RNF213: variants seen among roughly 807,000 people sequenced by gnomAD.
RNF213 encodes ring finger protein 213, also known as E3 ubiquitin-protein ligase RNF213.
Under a neutral mutation model 514.4 loss-of-function variants are expected in RNF213, and 341 were observed. The observed-to-expected ratio is 0.66, with a 90% confidence interval of 0.61 to 0.73. The LOEUF is 0.73. RNF213 is among the 30% of genes least tolerant of loss of function. The pLI is 0.00. For synonymous variants in RNF213, 2,655 were observed against 2,658.2 expected (o/e 1.00, Z 0.04); for missense variants, 5,767 against 6,615.6 (o/e 0.87, Z 4.45).
intron 18 of RNF213, among the ~76,000 whole-genome samples, chr17:80,327,590 T>C (rs2046313378): frequency 1.3e-5 from 2 of 152,192 alleles, no homozygotes; most frequent in African/African-American, 4.8e-5. Context: ...AGTCATCTTC[T>C]TGGACAAGGA....
chr17:80,332,680 C>T (rs1379290847), intron 21 of RNF213, 49 bp downstream of exon 21: 10 of 1,448,340 alleles, frequency 6.9e-6, no homozygotes, highest in Non-Finnish European at 7.2e-6. Flanking sequence ...CGTCCTGCCT[C>T]AGCCTCTTCA....
intron 10 of RNF213, 81 bp from the exon 11 acceptor site, chr17:80,298,232 GGTGCTTGC>G: frequency 7.4e-7 from 1 of 1,348,624 alleles, no homozygotes; most frequent in South Asian, 1.2e-5. Context: ...CTGTGTGCAC[GGTGCTTGC>G]TTCCTGTTGG....
rs756759340 is a variant in RNF213, at chr17:80,309,045, C to G, written c.2529C>G (p.Ser843=). 2 of 1,614,036 alleles carry G rather than the reference C, an allele frequency of 1.2e-6. No individual in the cohort carries two copies. The highest frequency in any genetic ancestry group is 1.7e-6 in the Non-Finnish European group (2 of 1,180,048). ...DKIPEEALSP[S]YLTVCLKLHE... is the part of the protein sequence containing the mutation. ...TTCCCGAGGAGGCCTTGTCACCATC[C>G]TACCTGACTGTGTGTCTGAAACTGC... Residue 843 remains serine, a synonymous_variant, in exon 14 of 68, where the codon TCC becomes TCG. Transcript: ENST00000582970.
intron 18 of RNF213, among the ~76,000 whole-genome samples, chr17:80,326,278 C>T (rs145055003): frequency 7.4e-4 from 113 of 152,330 alleles, no homozygotes; most frequent in Non-Finnish European, 1.3e-3. Context: ...GCGTGCACCA[C>T]CATACCCAGC....
Position 80,339,291 on chromosome 17 carries a change from T to A in RNF213, c.4924T>A (p.Tyr1642Asn). 6.5e-7 allele frequency: 1 copy of A among 1,536,484 alleles called. No individual in the cohort carries two copies. Among genetic ancestry groups the A allele is most frequent in the Non-Finnish European group, 8.7e-7 (1 of 1,146,250 alleles). ...GTTCAGGACGTGGATCGCCATGGCC[T>A]ACTGCTCCCCCAAGCAGGGTGTGTC... Reference protein sequence around the residue: ...MLFRTWIAMAYCSPKQGVSLQ... With the variant: ...MLFRTWIAMANCSPKQGVSLQ... The change falls in exon 26 of 68, where the codon TAC becomes AAC. Residue 1642 changes from tyrosine to asparagine, a missense_variant. This residue lies in a region of RNF213 where 1,377 missense variants were observed against 1,635.2 expected (regional missense o/e 0.84). Coordinates refer to ENST00000582970, the MANE Select transcript of RNF213 (RefSeq NM_001256071.3).
intron 8 of RNF213, among the ~76,000 whole-genome samples, chr17:80,292,833 G>C (rs1214612391): frequency 6.6e-6 from 1 of 152,106 alleles, no homozygotes; most frequent in African/African-American, 2.4e-5. Flanking sequence ...ACTCAAGGAA[G>C]TGAGCTGGGG....
At chr17:80,349,968 C>T (rs898480404) in intron 30 of RNF213, 62 bp downstream of exon 30, 6 of 1,598,348 alleles carry the variant, frequency 3.8e-6, no homozygotes, top group East Asian at 4.5e-5. Flanking sequence ...GTGGCTTCTG[C>T]GTGGCGATGG....
At chr17:80,283,012 A>G (rs544368711) in intron 3 of RNF213, among the ~76,000 whole-genome samples, 177 of 152,226 alleles carry the variant, frequency 1.2e-3, no homozygotes, top group Middle Eastern at 6.8e-3. Flanking sequence ...TCAATATTTT[A>G]ATGTAAAACA....
chr17:80,281,368 AAC>A (rs781083040), intron 3 of RNF213, among the ~76,000 whole-genome samples: 14 of 78,002 alleles, frequency 1.8e-4, no homozygotes, highest in East Asian at 4.1e-4. Context: ...CACACACCTC[AAC>A]ACACACACAC....
At chr17:80,386,987 C>T (rs1335962617) in intron 63 of RNF213, 96 bp downstream of exon 63, 23 of 1,201,152 alleles carry the variant, frequency 1.9e-5, no homozygotes, top group African/African-American at 3.0e-5. Context: ...CAGCACCTCA[C>T]CCTGCAGTCT....
Position 80,380,950 on chromosome 17 carries a change from A to T in RNF213, c.13760A>T (p.His4587Leu). ...TTCCTCCTTATCCGGCTACTCACTC[A>T]CTTGGCTCTGCTTCTGGGAGCGTCC... Reference protein sequence around the residue: ...VVFLLIRLLTHLALLLGASQS... With the variant: ...VVFLLIRLLTLLALLLGASQS... The change falls in exon 56 of 68, where the codon CAC becomes CTC. Residue 4587 changes from histidine to leucine, a missense_variant. Around this residue, in one of 13 missense-constraint regions of RNF213, gnomAD observed 1,245 missense variants for 1,339.0 expected, o/e 0.93. Coordinates refer to ENST00000582970, the MANE Select transcript of RNF213 (RefSeq NM_001256071.3). The T allele has an allele frequency of 6.2e-7, 1 of 1,614,158 alleles. No individual in the cohort carries two copies. The highest frequency in any genetic ancestry group is 8.5e-7 in the Non-Finnish European group (1 of 1,180,020).
Position 80,332,023 on chromosome 17 carries a change from G to T in RNF213, c.3535G>T (p.Ala1179Ser). ...TTCTAAAGTGGACTTTGGAGTGCTT[G>T]CAGTAAGACACTCACAAGACCTCAG... ...HLIQVDFGVL[A>S]VRHSQDLSSK... is the part of the protein sequence containing the mutation. Residue 1179 changes from alanine to serine, a missense_variant, in exon 21 of 68, where the codon GCA becomes TCA. Around this residue, in one of 13 missense-constraint regions of RNF213, gnomAD observed 516 missense variants for 566.5 expected, o/e 0.91. Coordinates refer to ENST00000582970, the MANE Select transcript of RNF213 (RefSeq NM_001256071.3). The T allele has an allele frequency of 6.5e-7, 1 of 1,535,592 alleles. No individual in the cohort carries two copies. The highest frequency in any genetic ancestry group is 8.7e-7 in the Non-Finnish European group (1 of 1,145,622).
intron 23 of RNF213, 43 bp downstream of exon 23, chr17:80,336,421 G>A (rs1198777562): frequency 6.7e-7 from 1 of 1,495,730 alleles, no homozygotes; most frequent in East Asian, 2.5e-5. Flanking sequence ...GTTGAATAGA[G>A]CATTGCTTAG....
rs747083719 is a variant in RNF213, at chr17:80,347,691, A to G, written c.9356A>G (p.Tyr3119Cys). Residue 3119 changes from tyrosine to cysteine, a missense_variant, in exon 29 of 68, where the codon TAC becomes TGC. Physicochemically the swap from Tyr to Cys is radical, Grantham distance 194. This residue lies in a region of RNF213 where 919 missense variants were observed against 1,121.0 expected (regional missense o/e 0.82). Transcript: ENST00000582970. This position sits in a 1 kb window ranked among gnomAD's most constrained non-coding sequence, Gnocchi z 7.2. ...AGCCTCTACGACGCACTCAACCAGT[A>G]CTACGTCCACCTCGGCGGCCAGAAG... is the stretch of plus-strand genomic sequence containing the variant. Reference protein sequence around the residue: ...YESLYDALNQYYVHLGGQKYV... With the variant: ...YESLYDALNQCYVHLGGQKYV... The G allele has an allele frequency of 6.2e-6, 10 of 1,613,896 alleles. No individual in the cohort carries two copies. Among genetic ancestry groups the G allele is most frequent in the Non-Finnish European group, 8.5e-6 (10 of 1,179,912 alleles).
chr17:80,363,543 C>T, intron 40 of RNF213, 66 bp from the exon 41 acceptor site: 3 of 1,563,440 alleles, frequency 1.9e-6, no homozygotes. Flanking sequence ...CAGCTAACAG[C>T]CGGGGCCTCT....
intron 65 of RNF213, 123 bp from the exon 66 acceptor site, chr17:80,389,705 A>G (rs1245248049): frequency 4.7e-6 from 4 of 857,108 alleles, no homozygotes; most frequent in Non-Finnish European, 7.8e-6. Context: ...GGGAGATCAC[A>G]TTAGTACAGG....
In RNF213 at chr17:80,351,760, G is replaced by A. The variant is rs770358835; in HGVS notation, c.10260G>A (p.Leu3420=). Residue 3420 remains leucine (L), a synonymous_variant, in exon 32 of 68, where the codon CTG becomes CTA. Coordinates refer to ENST00000582970, the MANE Select transcript of RNF213 (RefSeq NM_001256071.3). The part of the protein sequence containing the change: ...DRIFVYFITK[L]SRVGRGTAYV... Reference sequence around the variant, plus strand: ...TCTTCGTCTATTTCATCACAAAACTGTCCCGGGTGGGAAGAGGAACAGCCT... The same window carrying A: ...TCTTCGTCTATTTCATCACAAAACTATCCCGGGTGGGAAGAGGAACAGCCT... The A allele has an allele frequency of 6.2e-7, 1 of 1,612,892 alleles. No individual in the cohort carries two copies. Among genetic ancestry groups the A allele is most frequent in the South Asian group, 1.1e-5 (1 of 91,012 alleles).
Position 80,289,775 on chromosome 17 carries a change from T to G in RNF213, c.1050T>G (p.Ala350=), listed in dbSNP as rs775343531. ...CAGAGGGGAAGAACAGAAGTGCAGC[T>G]GCTGTGAAAAACGAGAAGGAGCAAA... The part of the protein sequence containing the change: ...KKPEGKNRSA[A]AVKNEKEQKN... The change falls in exon 6 of 68, where the codon GCT becomes GCG. Residue 350 remains alanine (A), a synonymous_variant. Transcript: ENST00000582970. 1.2e-6 allele frequency: 2 copies of G among 1,613,706 alleles called. No individual in the cohort carries two copies.
At chr17:80,319,442 C>T (rs1159011103) in intron 17 of RNF213, 130 bp downstream of exon 17, 1 of 1,614,194 alleles carries the variant, frequency 6.2e-7, no homozygotes. Context: ...GAAGTGGGCA[C>T]CCTCCTCCCT....
Sources: gnomAD v4.1 joint callset for allele counts (sites outside exome capture counted in the v4.1 genomes callset) on GRCh38, gnomAD v4.1.1 for gene constraint, gnomAD v4.1.1 regional missense constraint, Gnocchi (gnomAD v3.1) non-coding constraint, MANE v1.5 for transcripts, NCBI Gene and HGNC (gene_info 2026-07-23, HGNC 2026-07-21) for gene names.